MAP3K2: variants seen among roughly 807,000 people sequenced by gnomAD.
MAP3K2 encodes mitogen-activated protein kinase kinase kinase 2.
In MAP3K2, 24 loss-of-function variants were observed where a neutral mutation model predicts 80.3. The ratio of observed to expected loss-of-function variants is 0.30; its 90% CI spans 0.22 to 0.42. MAP3K2 has a LOEUF of 0.42. Among genes scored for constraint, MAP3K2 ranks in the 10% least tolerant of loss-of-function variants. The probability of loss-of-function intolerance (pLI) is 1.00; values close to 1 mark genes in which losing one functional copy is unlikely to be tolerated. For synonymous variants in MAP3K2, 244 were observed against 253.7 expected (o/e 0.96, Z 0.36); for missense variants, 608 against 750.1 (o/e 0.81, Z 2.21).
intron 1 of MAP3K2, among the ~76,000 whole-genome samples, chr2:127,365,427 T>G (rs1368970845): frequency 6.6e-6 from 1 of 152,162 alleles, no homozygotes; most frequent in African/African-American, 2.4e-5. Context: ...CCTGGTTACA[T>G]CCAAACTACA....
At chr2:127,376,515 C>G (rs563659370) in intron 1 of MAP3K2, among the ~76,000 whole-genome samples, 1 of 152,292 alleles carries the variant, frequency 6.6e-6, no homozygotes, top group African/African-American at 2.4e-5. Flanking sequence ...TTTCTGGTGT[C>G]TGAGTGCACT....
intron 1 of MAP3K2, among the ~76,000 whole-genome samples, chr2:127,354,118 G>T (rs550461527): frequency 6.6e-6 from 1 of 151,436 alleles, no homozygotes; most frequent in Non-Finnish European, 1.5e-5. Flanking sequence ...AAGGCCGCAG[G>T]GTCCTCTGCC....
At position 127,299,046 on chromosome 2, in the gene MAP3K2, G is replaced by A. The variant is rs1685539458; in HGVS notation, c.*8533C>T. 6.6e-6 allele frequency: 1 copy of A among 152,026 alleles called. No individual in the cohort carries two copies. The highest frequency in any genetic ancestry group is 2.4e-5 in the African/African-American group (1 of 41,388). The allele number at this position is 152,026 out of a possible 1,614,324, so 9.4% of individuals were successfully genotyped here. On this transcript the variant is annotated 3_prime_UTR_variant, in exon 17 of 17. Transcript: ENST00000682094. Reference sequence around the variant, plus strand: ...CATTTTTACAAGCACAATTTTGAATGACAAACAAAATCAAAATGTGCATGA... The same window carrying A: ...CATTTTTACAAGCACAATTTTGAATAACAAACAAAATCAAAATGTGCATGA...
intron 1 of MAP3K2, among the ~76,000 whole-genome samples, chr2:127,345,754 A>T (rs1686585296): frequency 1.3e-5 from 2 of 152,244 alleles, no homozygotes; most frequent in Admixed American, 1.3e-4. Flanking sequence ...TGAAAATTAA[A>T]AAACATAAAA....
chr2:127,338,966 G>A lies in MAP3K2; in HGVS notation c.89C>T (p.Thr30Ile). The change falls in exon 3 of 17, where the codon ACC (threonine) becomes ATC (isoleucine). Residue 30 changes from threonine (T) to isoleucine (I), a missense_variant. By Grantham distance (89) the Thr-to-Ile change is moderately conservative (BLOSUM62 -1). Transcript: ENST00000682094. ...ASRPALSLQE[T>I]RKAKSSSPKK... ...TGGTGATGAAGATTTTGCTTTTCTGGTTTCCTGCAAGGATAATGCTGGTCG... is the reference window on the plus strand; with the variant it reads ...TGGTGATGAAGATTTTGCTTTTCTGATTTCCTGCAAGGATAATGCTGGTCG... The A allele has an allele frequency of 1.2e-6, 2 of 1,611,220 alleles. No individual in the cohort carries two copies. Among genetic ancestry groups the A allele is most frequent in the East Asian group, 4.5e-5 (2 of 44,802 alleles).
intron 1 of MAP3K2, 67 bp downstream of exon 1, chr2:127,387,385 G>GGCGCAC (rs1553519981): frequency 4.0e-5 from 1 of 25,172 alleles, no homozygotes; most frequent in Non-Finnish European, 6.5e-5. Context: ...CGCGGCCCCC[G>GGCGCAC]ACACACACGC....
chr2:127,307,684 A>G lies in MAP3K2; in HGVS notation c.1755T>C (p.His585=), dbSNP rs774931525. ...GGAAATCTCGAGTATAGTCTGAGAC[A>G]TGAGGTGGCAGCTTTGGGTTTGTTG... ...TQPTNPKLPP[H]VSDYTRDFLK... is the part of the protein sequence containing the mutation. Residue 585 remains histidine (H), a synonymous_variant, in exon 17 of 17, where the codon CAT becomes CAC. Coordinates refer to ENST00000682094, the MANE Select transcript of MAP3K2 (RefSeq NM_001371910.2). This position sits in a 1 kb window ranked among gnomAD's most constrained non-coding sequence, Gnocchi z 5.4. 8.8e-6 allele frequency: 14 copies of G among 1,595,940 alleles called. No homozygotes were observed. The highest frequency in any genetic ancestry group is 1.7e-4 in the Middle Eastern group (1 of 6,036).
rs200855252 is a variant in MAP3K2 at position 127,322,265 on chromosome 2, A to G, written c.839-13T>C. 31 of 1,545,644 alleles carry G rather than the reference A, an allele frequency of 2.0e-5. No homozygotes were observed. The Middle Eastern group carries it at 5.3e-4, about 26-fold the overall frequency. ...AAAGTTTTACGACCTAAAAAATGAAAAGAGAATGACCTTATACCTTTTATT... is the reference window on the plus strand; with the variant it reads ...AAAGTTTTACGACCTAAAAAATGAAGAGAGAATGACCTTATACCTTTTATT... On this transcript the variant is annotated splice_polypyrimidine_tract_variant and intron_variant, in intron 11 of 16. Coordinates refer to ENST00000682094, the MANE Select transcript of MAP3K2 (RefSeq NM_001371910.2). This position sits in a 1 kb window ranked among gnomAD's most constrained non-coding sequence, Gnocchi z 4.2.
chr2:127,357,169 T>C (rs1686811006), intron 1 of MAP3K2, among the ~76,000 whole-genome samples: 1 of 152,162 alleles, frequency 6.6e-6, no homozygotes, highest in African/African-American at 2.4e-5. Context: ...ACCTATAAAT[T>C]GAACAAAATG....
rs1280576845 is a variant in MAP3K2 at position 127,321,107 on chromosome 2, G to A, written c.1045+939C>T. Among the ~76,000 whole-genome samples, 1 of 152,164 alleles carries A rather than the reference G, an allele frequency of 6.6e-6. No individual in the cohort carries two copies. Among genetic ancestry groups the A allele is most frequent in the Non-Finnish European group, 1.5e-5 (1 of 68,016 alleles). ...AGCCTGAGTGACAGAGTGAGATCCT[G>A]TTTCAAAAATGAAGGAGAAATAGAC... On this transcript the variant is annotated intron_variant, in intron 12 of 16. Coordinates refer to ENST00000682094, the MANE Select transcript of MAP3K2 (RefSeq NM_001371910.2). The surrounding 1 kb of genome is among the most constrained non-coding windows in gnomAD (Gnocchi z 4.4).
intron 1 of MAP3K2, among the ~76,000 whole-genome samples, chr2:127,351,287 T>C (rs1429567680): frequency 6.6e-6 from 1 of 152,120 alleles, no homozygotes; most frequent in African/African-American, 2.4e-5. Flanking sequence ...ATTCTGGATA[T>C]GTAGAAAAAT....
rs573605066 is a variant in MAP3K2, at chr2:127,362,786, T to C, written c.-65-19592A>G. ...TTATATGATTGTTACAAACATTTAATATTATTTGTAAAGCACTTAGAACAA... is the reference window on the plus strand; with the variant it reads ...TTATATGATTGTTACAAACATTTAACATTATTTGTAAAGCACTTAGAACAA... On this transcript the variant is annotated intron_variant, in intron 1 of 16. Coordinates refer to ENST00000682094, the MANE Select transcript of MAP3K2 (RefSeq NM_001371910.2). 3.8e-4 allele frequency among the ~76,000 whole-genome samples: 58 copies of C among 152,342 alleles called. No individual in the cohort carries two copies. In the South Asian group the frequency reaches 0.012, roughly 31 times the overall value.
chr2:127,358,280 A>G (rs1460789037), intron 1 of MAP3K2, among the ~76,000 whole-genome samples: 1 of 152,230 alleles, frequency 6.6e-6, no homozygotes, highest in Non-Finnish European at 1.5e-5. Flanking sequence ...CTAGCCATCC[A>G]AAGTGTTGGC....
chr2:127,316,409 T>G (rs1420217926), intron 14 of MAP3K2, among the ~76,000 whole-genome samples: 1 of 152,154 alleles, frequency 6.6e-6, no homozygotes, highest in East Asian at 1.9e-4. Context: ...ATGCATGTAT[T>G]TTTAAATAAG....
intron 1 of MAP3K2, among the ~76,000 whole-genome samples, chr2:127,350,309 G>C (rs1314473421): frequency 1.3e-5 from 2 of 151,630 alleles, no homozygotes; most frequent in South Asian, 4.2e-4. Context: ...CCACTGAATA[G>C]AAAAAATGAA....
rs1328010206 is a variant in MAP3K2, at chr2:127,301,681, A to G, written c.*5898T>C. 2.0e-5 allele frequency: 3 copies of G among 152,258 alleles called. No individual in the cohort carries two copies. Among genetic ancestry groups the G allele is most frequent in the African/African-American group, 4.8e-5 (2 of 41,478 alleles). 9.4% of individuals were successfully genotyped at this position (152,258 alleles called of 1,614,324 possible). A position where few individuals can be genotyped will look rare whatever the true frequency, so the allele number is the denominator to read the frequency against. On this transcript the variant is annotated 3_prime_UTR_variant, in exon 17 of 17. Coordinates refer to ENST00000682094, the MANE Select transcript of MAP3K2 (RefSeq NM_001371910.2). ...CTTTGCTGTTATTAACAAAAATACC[A>G]TATGACTATCAATTAAAATGCACAA...
chr2:127,375,263 C>T lies in MAP3K2; in HGVS notation c.-66+12189G>A, dbSNP rs894347725. 5.3e-5 allele frequency among the ~76,000 whole-genome samples: 8 copies of T among 152,040 alleles called. No homozygotes were observed. The East Asian group carries it at 1.2e-3, about 22-fold the overall frequency. On this transcript the variant is annotated intron_variant, in intron 1 of 16. Transcript: ENST00000682094. ...AATAACCCTATGGGACCCATAGCCCCGAACAATGTGGCTTCATCAGACAAC... is the reference window on the plus strand; with the variant it reads ...AATAACCCTATGGGACCCATAGCCCTGAACAATGTGGCTTCATCAGACAAC...
Position 127,329,973 on chromosome 2 carries a change from A to G in MAP3K2, c.414T>C (p.Asp138=). The G allele has an allele frequency of 6.2e-7, 1 of 1,609,998 alleles. No homozygotes were observed. Among genetic ancestry groups the G allele is most frequent in the Non-Finnish European group, 8.5e-7 (1 of 1,176,866 alleles). Residue 138 remains aspartate (D), a synonymous_variant, in exon 7 of 17, where the codon GAT becomes GAC. Coordinates refer to ENST00000682094, the MANE Select transcript of MAP3K2 (RefSeq NM_001371910.2). ...TNLEPLPSLE[D]LDNTVFGAER... ...CTGCTCCAAATACTGTATTATCCAA[A>G]TCTTCTAGTGATGGCAATGGTTCTA...
chr2:127,318,505 T>C (rs1189251593), intron 12 of MAP3K2, among the ~76,000 whole-genome samples, 188 bp from the exon 13 acceptor site: 1 of 152,190 alleles, frequency 6.6e-6, no homozygotes, highest in East Asian at 1.9e-4. Flanking sequence ...TTTCTACAAA[T>C]CCTAAATCAA....
Sources: allele counts gnomAD v4.1 joint callset (sites outside exome capture counted in the v4.1 genomes callset), GRCh38; gene constraint gnomAD v4.1.1; non-coding constraint Gnocchi (gnomAD v3.1); transcripts MANE v1.5; gene names NCBI Gene and HGNC (gene_info 2026-07-23, HGNC 2026-07-21).